FER: variants seen among roughly 807,000 people sequenced by gnomAD.
FER encodes FER tyrosine kinase, also known as tyrosine-protein kinase Fer.
Under a neutral mutation model 111.0 loss-of-function variants are expected in FER, and 63 were observed. That is an observed-to-expected ratio of 0.57 (90% CI 0.46 to 0.70). FER has a LOEUF of 0.70. FER is among the 30% of genes least tolerant of loss of function. FER has a pLI of 0.00. For missense variants in FER, 914 were observed against 954.0 expected (o/e 0.96, Z 0.55); for synonymous variants, 327 against 313.9 (o/e 1.04, Z -0.44).
At chr5:109,049,608 G>A (rs2149919924) in intron 16 of FER, among the ~76,000 whole-genome samples, 1 of 151,908 alleles carries the variant, frequency 6.6e-6, no homozygotes, top group East Asian at 1.9e-4. Flanking sequence ...ATTGAATAAA[G>A]AACACTCTCC....
intron 9 of FER, among the ~76,000 whole-genome samples, chr5:108,889,179 AC>A (rs1747636129): frequency 6.6e-6 from 1 of 151,900 alleles, no homozygotes; most frequent in African/African-American, 2.4e-5. Context: ...AAATAGAGCT[AC>A]CATGCCATCC....
chr5:109,110,937 G>A lies in FER; in HGVS notation c.2048+10418G>A, dbSNP rs1334080802. 2.0e-5 allele frequency among the ~76,000 whole-genome samples: 3 copies of A among 152,218 alleles called. No individual in the cohort carries two copies. In the East Asian group the frequency reaches 5.8e-4, roughly 29 times the overall value. ...TGGTGATACAATCATGAGCAAGATGGACAGAGTACCATTCCTCCTGGCATT... is the reference window on the plus strand; with the variant it reads ...TGGTGATACAATCATGAGCAAGATGAACAGAGTACCATTCCTCCTGGCATT... On this transcript the variant is annotated intron_variant, in intron 17 of 19. Coordinates refer to ENST00000281092, the MANE Select transcript of FER (RefSeq NM_005246.4).
chr5:108,922,113 C>G (rs757077976), intron 10 of FER, among the ~76,000 whole-genome samples: 5 of 152,108 alleles, frequency 3.3e-5, no homozygotes, highest in African/African-American at 1.2e-4. Context: ...CAAAGGAATG[C>G]CTGGGGCTAC....
At chr5:108,800,846 A>C (rs1008913827) in intron 3 of FER, among the ~76,000 whole-genome samples, 45 of 152,294 alleles carry the variant, frequency 3.0e-4, no homozygotes, top group African/African-American at 9.6e-4. Flanking sequence ...GGAGATCGAG[A>C]CCATCCTGGC....
chr5:108,820,181 A>C, intron 3 of FER: 1 of 985,420 alleles, frequency 1.0e-6, no homozygotes, highest in Non-Finnish European at 1.2e-6. Flanking sequence ...CCTCTACTAG[A>C]GCTGGATCAA....
intron 13 of FER, 121 bp downstream of exon 13, chr5:108,959,468 T>A: frequency 1.1e-6 from 1 of 950,470 alleles, no homozygotes; most frequent in Non-Finnish European, 1.5e-6. Flanking sequence ...AAGTTTTGTT[T>A]TTGTTTTTCT....
At chr5:109,178,250 ACTTAAT>A (rs1757918149) in intron 17 of FER, among the ~76,000 whole-genome samples, 1 of 152,208 alleles carries the variant, frequency 6.6e-6, no homozygotes, top group Non-Finnish European at 1.5e-5. Flanking sequence ...ACTCACTTGA[ACTTAAT>A]GCAGCCCAAA....
chr5:108,862,588 T>C (rs1580928373), intron 5 of FER, among the ~76,000 whole-genome samples: 2 of 152,274 alleles, frequency 1.3e-5, no homozygotes, highest in East Asian at 3.9e-4. Flanking sequence ...AATATGGAAT[T>C]CAGTGAATTG....
chr5:109,026,700 T>G (rs1768786838), intron 13 of FER, among the ~76,000 whole-genome samples: 2 of 152,028 alleles, frequency 1.3e-5, no homozygotes, highest in African/African-American at 4.8e-5. Context: ...TTCTTTCTTT[T>G]TTGTTGTTGT....
chr5:109,144,339 C>T lies in FER; in HGVS notation c.2049-36408C>T, dbSNP rs577692758. On this transcript the variant is annotated intron_variant, in intron 17 of 19. Coordinates refer to ENST00000281092, the MANE Select transcript of FER (RefSeq NM_005246.4). ...CAAGTACCAACTGGGAGTCAGTGAACGTGCATTCTGGATTGGTGATGTCCT... is the reference window on the plus strand; with the variant it reads ...CAAGTACCAACTGGGAGTCAGTGAATGTGCATTCTGGATTGGTGATGTCCT... Among the ~76,000 whole-genome samples the T allele has an allele frequency of 7.8e-4, 118 of 152,110 alleles. 1 individual carries two copies. Among genetic ancestry groups the T allele is most frequent in the African/African-American group, 2.7e-3 (111 of 41,502 alleles).
At chr5:109,093,266 A>G (rs1747055621) in intron 16 of FER, among the ~76,000 whole-genome samples, 1 of 152,212 alleles carries the variant, frequency 6.6e-6, no homozygotes, top group African/African-American at 2.4e-5. Flanking sequence ...TGTGGTTTTT[A>G]CCACAATAAA....
chr5:108,892,543 G>A (rs1022754840), intron 9 of FER, among the ~76,000 whole-genome samples: 2 of 152,062 alleles, frequency 1.3e-5, no homozygotes, highest in Admixed American at 1.3e-4. Flanking sequence ...ATTTGTTTGA[G>A]TTCATTGTAG....
intron 16 of FER, among the ~76,000 whole-genome samples, chr5:109,067,544 A>AT (rs1317857979): frequency 1.6e-4 from 24 of 151,772 alleles, no homozygotes; most frequent in Admixed American, 1.3e-3. Flanking sequence ...ATTTTTTTTA[A>AT]TTTGATAAAA....
intron 8 of FER, among the ~76,000 whole-genome samples, chr5:108,876,284 A>G (rs115738614): frequency 2.9e-3 from 440 of 152,332 alleles, no homozygotes; most frequent in Non-Finnish European, 4.2e-3. Flanking sequence ...AGAGTACGTA[A>G]ATAAAGTTTT....
intron 13 of FER, among the ~76,000 whole-genome samples, chr5:108,971,384 A>G (rs913191513): frequency 1.3e-5 from 2 of 152,048 alleles, no homozygotes; most frequent in Non-Finnish European, 2.9e-5. Flanking sequence ...ACAGGCTTCT[A>G]ATGGCCTATG....
intron 10 of FER, among the ~76,000 whole-genome samples, chr5:108,907,362 TC>T (rs1043762896): frequency 9.9e-5 from 15 of 152,222 alleles, no homozygotes; most frequent in African/African-American, 3.6e-4. Context: ...TGGCGGGATC[TC>T]GGTTCACTGA....
At chr5:109,162,823 T>G (rs181238094) in intron 17 of FER, among the ~76,000 whole-genome samples, 14 of 152,086 alleles carry the variant, frequency 9.2e-5, no homozygotes, top group Non-Finnish European at 1.8e-4. Flanking sequence ...ATTATATATT[T>G]GTAAGAATCT....
chr5:108,898,183 A>G (rs1381082828), intron 10 of FER, among the ~76,000 whole-genome samples: 2 of 152,146 alleles, frequency 1.3e-5, no homozygotes, highest in East Asian at 3.8e-4. Flanking sequence ...AAAGCTATTT[A>G]TTGATTTTTT....
intron 3 of FER, among the ~76,000 whole-genome samples, chr5:108,815,329 A>G (rs1758168371): frequency 6.6e-6 from 1 of 152,008 alleles, no homozygotes; most frequent in African/African-American, 2.4e-5. Context: ...ATTTCTAGAA[A>G]TTTCCTCTGT....
Sources: gnomAD v4.1 joint callset for allele counts (sites outside exome capture counted in the v4.1 genomes callset) on GRCh38, gnomAD v4.1.1 for gene constraint, MANE v1.5 for transcripts, NCBI Gene and HGNC (gene_info 2026-07-23, HGNC 2026-07-21) for gene names.